The following RNF8 variants were observed in gnomAD, a reference collection of about 807,000 sequenced individuals.
The protein encoded by RNF8 is ring finger protein 8, also known as E3 ubiquitin-protein ligase RNF8.
A neutral mutation model predicts 59.3 loss-of-function variants in RNF8; 8 were observed. The observed-to-expected ratio is 0.13, with a 90% CI of 0.08 to 0.24. RNF8 has a LOEUF of 0.24. RNF8 is among the 10% of genes least tolerant of loss of function. The probability of loss-of-function intolerance (pLI) is 1.00; values close to 1 mark genes in which losing one functional copy is unlikely to be tolerated. For synonymous variants in RNF8, 162 were observed against 200.0 expected (o/e 0.81, Z 1.60); for missense variants, 406 against 572.6 (o/e 0.71, Z 2.97).
chr6:37,368,878 C>T lies in RNF8; in HGVS notation c.635C>T (p.Pro212Leu). Residue 212 changes from proline to leucine, a missense_variant, in exon 3 of 8, where the codon CCA (proline) becomes CTA (leucine). Transcript: ENST00000373479. ...GATCCTAAGTTGACTGCCCTTGAGCCAAGTAAGACCACAGGGGCTCCCATT... is the reference window on the plus strand; with the variant it reads ...GATCCTAAGTTGACTGCCCTTGAGCTAAGTAAGACCACAGGGGCTCCCATT... Reference protein sequence around the residue: ...NLDPKLTALEPSKTTGAPIYP... With the variant: ...NLDPKLTALELSKTTGAPIYP... 6.2e-7 allele frequency: 1 copy of T among 1,614,118 alleles called. No homozygotes were observed. The highest frequency in any genetic ancestry group is 8.5e-7 in the Non-Finnish European group (1 of 1,180,016).
In RNF8 at chr6:37,354,094, A is replaced by T. The variant is rs1188228956; in HGVS notation, c.-71A>T. ...TTATTTAGATATGGAAGCTGAGGGG[A>T]TGCACAGAGGCAGCCAGAACCTAGG... On this transcript the variant is annotated 5_prime_UTR_variant, in exon 1 of 8. The change abolishes an upstream ATG in the 5' untranslated region. Coordinates refer to ENST00000373479, the MANE Select transcript of RNF8 (RefSeq NM_003958.4). 1 of 1,220,074 alleles carries T rather than the reference A, an allele frequency of 8.2e-7. No individual in the cohort carries two copies. Among genetic ancestry groups the T allele is most frequent in the Non-Finnish European group, 1.2e-6 (1 of 845,544 alleles). The allele number at this position is 1,220,074 out of a possible 1,614,324, so 75.6% of individuals were successfully genotyped here. A position where few individuals can be genotyped will look rare whatever the true frequency, so the allele number is the denominator to read the frequency against.
Position 37,368,457 on chromosome 6 carries a change from A to G in RNF8, c.241-27A>G, listed in dbSNP as rs778478929. ...TAAGAAGACGAAAATCATGAAGCTT[A>G]TTTCTTCTTTCTTTCACTTTCCCCA... On this transcript the variant is annotated intron_variant, in intron 2 of 7. Coordinates refer to ENST00000373479, the MANE Select transcript of RNF8 (RefSeq NM_003958.4). 2.5e-5 allele frequency: 41 copies of G among 1,613,948 alleles called. No homozygotes were observed. In the East Asian group the frequency reaches 8.9e-4, roughly 35 times the overall value.
At chr6:37,363,418 A>T (rs1769406680) in intron 2 of RNF8, among the ~76,000 whole-genome samples, 1 of 152,228 alleles carries the variant, frequency 6.6e-6, no homozygotes, top group South Asian at 2.1e-4. Flanking sequence ...ATACTGAGGT[A>T]TCTGCAGAAC....
chr6:37,376,944 C>G lies in RNF8; in HGVS notation c.1147C>G (p.Gln383Glu), dbSNP rs780633459. 1.2e-6 allele frequency: 2 copies of G among 1,611,960 alleles called. No individual in the cohort carries two copies. Among genetic ancestry groups the G allele is most frequent in the South Asian group, 1.1e-5 (1 of 91,012 alleles). ...EQTKEEKEKM[Q>E]AQKEEVLSHM... ...CTTGCAGGAAGAGAAGGAGAAGATG[C>G]AAGCACAGAAGGAAGAAGTTCTTAG... The change falls in exon 6 of 8, where the codon CAA (glutamine) becomes GAA (glutamate). Residue 383 changes from glutamine to glutamate, a missense_variant. Gln to Glu is a conservative substitution (Grantham distance 29). Transcript: ENST00000373479.
At chr6:37,366,834 G>C (rs1389351055) in intron 2 of RNF8, among the ~76,000 whole-genome samples, 1 of 152,206 alleles carries the variant, frequency 6.6e-6, no homozygotes, top group Non-Finnish European at 1.5e-5. Flanking sequence ...GGGTTAAAAT[G>C]CTCACCAGTA....
rs763247406 is a variant in RNF8, at chr6:37,360,547, G to C, written c.213G>C (p.Glu71Asp). Residue 71 changes from glutamate to aspartate, a missense_variant, in exon 2 of 8, where the codon GAG becomes GAC. Physicochemically the swap from Glu to Asp is conservative, Grantham distance 45. Transcript: ENST00000373479. This position sits in a 1 kb window ranked among gnomAD's most constrained non-coding sequence, Gnocchi z 4.2. Reference protein sequence around the residue: ...RNHCVLKQNPEGQWTIMDNKS... With the variant: ...RNHCVLKQNPDGQWTIMDNKS... Reference sequence around the variant, plus strand: ...ACTGTGTTTTGAAGCAGAATCCTGAGGGCCAATGGACAATTATGGACAACA... The same window carrying C: ...ACTGTGTTTTGAAGCAGAATCCTGACGGCCAATGGACAATTATGGACAACA... The C allele has an allele frequency of 5.0e-6, 8 of 1,613,882 alleles. No individual in the cohort carries two copies. Among genetic ancestry groups the C allele is most frequent in the South Asian group, 3.3e-5 (3 of 91,056 alleles).
intron 3 of RNF8, chr6:37,370,027 C>G (rs1769737950): frequency 6.6e-6 from 1 of 152,164 alleles, no homozygotes; most frequent in South Asian, 2.1e-4. Context: ...TGGCAGGAAC[C>G]ACATATTTTG....
intron 2 of RNF8, among the ~76,000 whole-genome samples, chr6:37,366,744 C>T (rs1769569672): frequency 6.6e-6 from 1 of 152,124 alleles, no homozygotes; most frequent in Non-Finnish European, 1.5e-5. Flanking sequence ...CTGTAGTTGC[C>T]AGTGTAAACA....
At chr6:37,364,439 C>T (rs1393675844) in intron 2 of RNF8, among the ~76,000 whole-genome samples, 4 of 152,056 alleles carry the variant, frequency 2.6e-5, no homozygotes, top group East Asian at 3.8e-4. Context: ...GACTGTTCAT[C>T]GAGTTGGTAC....
At position 37,371,237 on chromosome 6, in the gene RNF8, A is replaced by C. The variant is rs376325629; in HGVS notation, c.976-275A>C. 4.8e-4 allele frequency among the ~76,000 whole-genome samples: 73 copies of C among 152,302 alleles called. No individual in the cohort carries two copies. In the South Asian group the frequency reaches 0.014, roughly 29 times the overall value. The stretch of plus-strand genomic sequence containing the variant: ...TTGGGAATCATGGCGTTAGTCCATG[A>C]AGGAGGCTTGGACTGTTAGGCCATA... On this transcript the variant is annotated intron_variant, in intron 3 of 7. Coordinates refer to ENST00000373479, the MANE Select transcript of RNF8 (RefSeq NM_003958.4).
chr6:37,376,854 G>A, intron 5 of RNF8, 72 bp from the exon 6 acceptor site: 1 of 886,252 alleles, frequency 1.1e-6, no homozygotes, highest in South Asian at 1.3e-5. Flanking sequence ...CTAAATAATT[G>A]ACCCTGCTCC....
chr6:37,359,057 C>T, intron 1 of RNF8: 1 of 358,370 alleles, frequency 2.8e-6, no homozygotes, highest in East Asian at 7.7e-5. Flanking sequence ...GATCGTGCCA[C>T]TGCACTCCAG....
rs1769675684 is a variant in RNF8, at chr6:37,368,816, G to T, written c.573G>T (p.Gly191=). The change falls in exon 3 of 8, where the codon GGG becomes GGT. Residue 191 remains glycine (G), a synonymous_variant. Coordinates refer to ENST00000373479, the MANE Select transcript of RNF8 (RefSeq NM_003958.4). ...CTGGTCAGCCAGTGAAATCACAGGG[G>T]AAAGGTGAAGTGGCCAGTACACCCT... The part of the protein sequence containing the change: ...CESGQPVKSQ[G]KGEVASTPSD... 6.2e-7 allele frequency: 1 copy of T among 1,614,010 alleles called. No homozygotes were observed. The highest frequency in any genetic ancestry group is 1.1e-5 in the South Asian group (1 of 91,084).
chr6:37,393,985 G>C lies in RNF8; in HGVS notation c.*3227G>C, dbSNP rs1010083190. 1 of 152,130 alleles carries C rather than the reference G, an allele frequency of 6.6e-6. No homozygotes were observed. The highest frequency in any genetic ancestry group is 1.9e-4 in the East Asian group (1 of 5,190). 9.4% of individuals were successfully genotyped at this position (152,130 alleles called of 1,614,324 possible). ...GTGACTGGAATCTCTCCACCTCATCGTATCTAAGGATAACCCAGAAACATG... is the reference window on the plus strand; with the variant it reads ...GTGACTGGAATCTCTCCACCTCATCCTATCTAAGGATAACCCAGAAACATG... On this transcript the variant is annotated 3_prime_UTR_variant, in exon 8 of 8. Coordinates refer to ENST00000373479, the MANE Select transcript of RNF8 (RefSeq NM_003958.4).
At chr6:37,367,051 A>ATTT (rs1769585614) in intron 2 of RNF8, among the ~76,000 whole-genome samples, 1 of 152,172 alleles carries the variant, frequency 6.6e-6, no homozygotes, top group African/African-American at 2.4e-5. Flanking sequence ...TTCACTCAAT[A>ATTT]TATTTACCTT....
At chr6:37,365,123 T>C (rs1255734868) in intron 2 of RNF8, among the ~76,000 whole-genome samples, 1 of 152,126 alleles carries the variant, frequency 6.6e-6, no homozygotes, top group Non-Finnish European at 1.5e-5. Flanking sequence ...AACTAGGGAA[T>C]GGATAAACTG....
intron 7 of RNF8, among the ~76,000 whole-genome samples, chr6:37,388,615 A>AAG (rs989450436): frequency 4.6e-5 from 7 of 152,212 alleles, no homozygotes; most frequent in African/African-American, 1.7e-4. Context: ...TGAATGGCCA[A>AAG]AGAGAGAGAT....
In RNF8 at chr6:37,380,670, C is replaced by CAAAA. The variant is rs1270420232; in HGVS notation, c.1237-466_1237-463dup. On this transcript the variant is annotated intron_variant, in intron 6 of 7. Transcript: ENST00000373479. ...TGGGGGACAGAGTGAGACTCCGTCTCAAAAAAAAAAAAAAAAATTCCCCAA... is the reference window on the plus strand; with the variant it reads ...TGGGGGACAGAGTGAGACTCCGTCTCAAAAAAAAAAAAAAAAAAAAATTCCCCAA... Among the ~76,000 whole-genome samples, 3 of 105,184 alleles carry CAAAA rather than the reference C, an allele frequency of 2.9e-5. No individual in the cohort carries two copies. The South Asian group carries it at 1.0e-3, about 36-fold the overall frequency. The allele number at this position is 105,184 out of a possible 152,430, so 69.0% of individuals were successfully genotyped here. A position where few individuals can be genotyped will look rare whatever the true frequency, so the allele number is the denominator to read the frequency against.
intron 1 of RNF8, among the ~76,000 whole-genome samples, chr6:37,356,189 A>G (rs1460682893): frequency 6.6e-6 from 1 of 152,232 alleles, no homozygotes; most frequent in East Asian, 1.9e-4. Context: ...AGGGACCCAT[A>G]TAAACTCAGT....
Sources: gnomAD v4.1 joint callset for allele counts (sites outside exome capture counted in the v4.1 genomes callset) on GRCh38, gnomAD v4.1.1 for gene constraint, Gnocchi (gnomAD v3.1) non-coding constraint, MANE v1.5 for transcripts, NCBI Gene and HGNC (gene_info 2026-07-23, HGNC 2026-07-21) for gene names.